NELL1: variants seen among roughly 807,000 people sequenced by gnomAD.
NELL1 encodes the protein neural EGFL like 1, also known as protein kinase C-binding protein NELL1.
NELL1 carries 76 observed loss-of-function variants against 107.4 expected under a neutral mutation model. That is an observed-to-expected ratio of 0.71 (90% confidence interval 0.59 to 0.86). NELL1 has a LOEUF of 0.86. Ranked by LOEUF, NELL1 falls within the 40% of genes least tolerant of loss-of-function variation. The pLI, the probability that NELL1 is intolerant of heterozygous loss-of-function variation, is 0.00. For synonymous variants in NELL1, 353 were observed against 341.2 expected, an observed-to-expected ratio of 1.03 and a Z score of -0.38; for missense variants, 1,024 against 1,005.5, an observed-to-expected ratio of 1.02 and a Z score of -0.25.
chr11:20,920,392 C>A (rs1850352141), intron 7 of NELL1, among the ~76,000 whole-genome samples: 1 of 152,042 alleles, frequency 6.6e-6, no homozygotes, highest in Admixed American at 6.6e-5. Flanking sequence ...CTGCTGAAGA[C>A]AATGTTTCTA....
intron 13 of NELL1, among the ~76,000 whole-genome samples, chr11:21,183,199 A>G (rs1343789555): frequency 2.0e-5 from 3 of 151,880 alleles, no homozygotes; most frequent in Non-Finnish European, 2.9e-5. Context: ...ATATAATCTT[A>G]TACGTTTTTT....
intron 15 of NELL1, among the ~76,000 whole-genome samples, chr11:21,381,768 A>G (rs114674823): frequency 0.012 from 1,862 of 151,980 alleles, 8 homozygotes; most frequent in Middle Eastern, 0.034. Context: ...CTCTGTTCCC[A>G]CAAACATTTT....
intron 4 of NELL1, among the ~76,000 whole-genome samples, chr11:20,857,755 C>A (rs1428849422): frequency 6.6e-6 from 1 of 152,222 alleles, no homozygotes; most frequent in Non-Finnish European, 1.5e-5. Flanking sequence ...GTCTTTCTGG[C>A]AGCCAGCAGG....
chr11:21,106,760 C>T (rs1014369739), intron 12 of NELL1, among the ~76,000 whole-genome samples: 1 of 152,076 alleles, frequency 6.6e-6, no homozygotes, highest in African/African-American at 2.4e-5. Flanking sequence ...TTCCTAGGTT[C>T]TATAGGCATT....
chr11:21,309,289 TA>T (rs1284319263), intron 14 of NELL1, among the ~76,000 whole-genome samples: 19 of 112,838 alleles, frequency 1.7e-4, no homozygotes, highest in African/African-American at 5.3e-4. Flanking sequence ...TGTATATATA[TA>T]TATATATATG....
intron 15 of NELL1, among the ~76,000 whole-genome samples, chr11:21,379,843 T>A (rs1484117273): frequency 2.0e-5 from 3 of 152,118 alleles, no homozygotes; most frequent in Non-Finnish European, 2.9e-5. Flanking sequence ...CTGTGCTCTT[T>A]CATATTTTAT....
intron 12 of NELL1, among the ~76,000 whole-genome samples, chr11:21,011,754 A>G (rs968291805): frequency 2.0e-5 from 3 of 152,164 alleles, no homozygotes; most frequent in Admixed American, 6.5e-5. Flanking sequence ...ACTCATGTGT[A>G]TAGTTAATTG....
rs546763548 is a variant in NELL1 at position 20,823,879 on chromosome 11, T to A, written c.336-23704T>A. Reference sequence around the variant, plus strand: ...AAAGCCTCACACAATCTAAATTGGTTAGGATACAGGAGTGACTACTGAAGC... The same window carrying A: ...AAAGCCTCACACAATCTAAATTGGTAAGGATACAGGAGTGACTACTGAAGC... On this transcript the variant is annotated intron_variant, in intron 3 of 19. Transcript: ENST00000357134. Among the ~76,000 whole-genome samples, 6 of 151,328 alleles carry A rather than the reference T, an allele frequency of 4.0e-5. No individual in the cohort carries two copies. In the East Asian group the frequency reaches 1.2e-3, roughly 29 times the overall value.
intron 14 of NELL1, among the ~76,000 whole-genome samples, chr11:21,251,968 T>G (rs139185086): frequency 1.3e-5 from 2 of 152,264 alleles, no homozygotes; most frequent in African/African-American, 2.4e-5. Flanking sequence ...AAGAACAGGG[T>G]TGTGTTCATT....
intron 3 of NELL1, among the ~76,000 whole-genome samples, chr11:20,796,659 C>T (rs907759227): frequency 1.4e-4 from 21 of 151,946 alleles, no homozygotes; most frequent in African/African-American, 4.4e-4. Context: ...CCGAGTAGAC[C>T]GTAAGCTGTC....
chr11:20,937,077 G>T (rs1850741870), intron 9 of NELL1, among the ~76,000 whole-genome samples: 1 of 152,306 alleles, frequency 6.6e-6, no homozygotes, highest in Admixed American at 6.5e-5. Context: ...ATTGACATAT[G>T]CTGTACTTGC....
chr11:21,219,106 A>G (rs1488784075), intron 13 of NELL1, among the ~76,000 whole-genome samples: 6 of 152,130 alleles, frequency 3.9e-5, no homozygotes, highest in Admixed American at 6.5e-5. Flanking sequence ...CCAACATTGT[A>G]TGAGTTCTCT....
intron 3 of NELL1, among the ~76,000 whole-genome samples, chr11:20,790,025 A>C (rs1857043156): frequency 6.6e-6 from 1 of 152,142 alleles, no homozygotes; most frequent in Non-Finnish European, 1.5e-5. Flanking sequence ...TGGGCCTCAG[A>C]GGGGAGGAAG....
At chr11:21,039,879 G>T (rs918797078) in intron 12 of NELL1, among the ~76,000 whole-genome samples, 1 of 151,978 alleles carries the variant, frequency 6.6e-6, no homozygotes, top group South Asian at 2.1e-4. Context: ...TTGGCTTTTG[G>T]TGTTACAAAG....
intron 13 of NELL1, among the ~76,000 whole-genome samples, chr11:21,199,795 C>T (rs113684972): frequency 1.4e-5 from 2 of 147,778 alleles, no homozygotes; most frequent in Non-Finnish European, 3.0e-5. Context: ...TATCCCTCCC[C>T]AGCCCCCCAC....
intron 13 of NELL1, among the ~76,000 whole-genome samples, chr11:21,188,060 C>T (rs74820575): frequency 0.015 from 2,280 of 151,894 alleles, 123 homozygotes; most frequent in African/African-American, 0.051. Flanking sequence ...TGTTAGTTTC[C>T]TTCCCTTTAC....
At chr11:21,457,149 TTC>T (rs1853767155) in intron 15 of NELL1, among the ~76,000 whole-genome samples, 1 of 152,190 alleles carries the variant, frequency 6.6e-6, no homozygotes, top group South Asian at 2.1e-4. Flanking sequence ...GAATGGCCAG[TTC>T]TACCTGAGCA....
chr11:21,485,373 C>A (rs1044123270), intron 15 of NELL1, among the ~76,000 whole-genome samples: 1 of 152,058 alleles, frequency 6.6e-6, no homozygotes, highest in Non-Finnish European at 1.5e-5. Context: ...TAGCTGTCTG[C>A]CTATTCTCCT....
chr11:21,122,208 C>T (rs749685990), intron 13 of NELL1, among the ~76,000 whole-genome samples: 17 of 152,138 alleles, frequency 1.1e-4, no homozygotes, highest in Non-Finnish European at 2.2e-4. Flanking sequence ...TTGCCCTTGA[C>T]CCAAATTCAT....
Sources: allele counts gnomAD v4.1 joint callset (sites outside exome capture counted in the v4.1 genomes callset), GRCh38; gene constraint gnomAD v4.1.1; transcripts MANE v1.5; gene names NCBI Gene and HGNC (gene_info 2026-07-23, HGNC 2026-07-21).